FHIT: variants seen among roughly 807,000 people sequenced by gnomAD.
FHIT encodes fragile histidine triad diadenosine triphosphatase.
A neutral mutation model predicts 17.9 loss-of-function variants in FHIT; 19 were observed. That is an observed-to-expected ratio of 1.06 (90% confidence interval 0.74 to 1.56). The LOEUF (loss-of-function observed/expected upper bound fraction) is 1.56. FHIT is among the 40% of genes most tolerant of loss of function. The probability of loss-of-function intolerance (pLI) is 0.00; values close to 1 mark genes in which losing one functional copy is unlikely to be tolerated. For missense variants in FHIT, 248 were observed against 189.2 expected (o/e 1.31, Z -1.82); for synonymous variants, 81 against 69.7 (o/e 1.16, Z -0.81).
At chr3:60,225,696 A>T (rs1704165705) in intron 5 of FHIT, among the ~76,000 whole-genome samples, 1 of 152,210 alleles carries the variant, frequency 6.6e-6, no homozygotes, top group Admixed American at 6.5e-5. Context: ...GTAAATAAGC[A>T]TTTAATGCAA....
chr3:59,920,506 A>T (rs1705349571), intron 8 of FHIT, among the ~76,000 whole-genome samples: 1 of 152,196 alleles, frequency 6.6e-6, no homozygotes, highest in African/African-American at 2.4e-5. Context: ...CACCAACCAC[A>T]GCACTGTACA....
intron 8 of FHIT, among the ~76,000 whole-genome samples, chr3:59,867,410 T>G (rs775537243): frequency 3.9e-5 from 6 of 151,986 alleles, no homozygotes; most frequent in Non-Finnish European, 7.4e-5. Context: ...AACACATAAT[T>G]AAGTCATAAA....
intron 5 of FHIT, among the ~76,000 whole-genome samples, chr3:60,305,056 G>C (rs1222536321): frequency 6.6e-6 from 1 of 152,204 alleles, no homozygotes; most frequent in Admixed American, 6.5e-5. Flanking sequence ...CCTACCACTC[G>C]TGTCTGTAAG....
chr3:60,034,488 T>C (rs908125711), intron 5 of FHIT, among the ~76,000 whole-genome samples: 2 of 152,202 alleles, frequency 1.3e-5, no homozygotes, highest in Non-Finnish European at 2.9e-5. Context: ...AAATTTCCCA[T>C]CAATTAGAGG....
intron 5 of FHIT, among the ~76,000 whole-genome samples, chr3:60,137,774 G>A (rs144669958): frequency 2.6e-5 from 4 of 152,326 alleles, no homozygotes; most frequent in African/African-American, 7.2e-5. Flanking sequence ...CCTGTAAAAT[G>A]AGGGTAAGAA....
In FHIT at chr3:60,568,049, C is replaced by T. The variant is rs550570690; in HGVS notation, c.-17-31070G>A. 1.6e-4 allele frequency among the ~76,000 whole-genome samples: 24 copies of T among 152,268 alleles called. No individual in the cohort carries two copies. The South Asian group carries it at 3.1e-3, about 20-fold the overall frequency. ...TCAACCATTGTGGAAGTCAGTGTGG[C>T]AATTCCTCAGGGATCTTGAACTAGA... On this transcript the variant is annotated intron_variant, in intron 4 of 9. Coordinates refer to ENST00000492590, the MANE Select transcript of FHIT (RefSeq NM_002012.4).
intron 8 of FHIT, among the ~76,000 whole-genome samples, chr3:59,861,284 G>A (rs1036778805): frequency 6.6e-6 from 1 of 152,188 alleles, no homozygotes; most frequent in Non-Finnish European, 1.5e-5. Context: ...TGAGACGTCA[G>A]TTATACTGAT....
chr3:60,154,073 G>T (rs1167568286), intron 5 of FHIT, among the ~76,000 whole-genome samples: 3 of 152,212 alleles, frequency 2.0e-5, no homozygotes, highest in African/African-American at 7.2e-5. Context: ...GGGTGGCCAA[G>T]CAAGGCCTCC....
At chr3:61,176,069 T>A (rs1560042388) in intron 2 of FHIT, among the ~76,000 whole-genome samples, 1 of 152,200 alleles carries the variant, frequency 6.6e-6, no homozygotes, top group African/African-American at 2.4e-5. Context: ...TGGCAATAAG[T>A]AAATAGATAA....
chr3:60,139,729 G>A (rs980058781), intron 5 of FHIT, among the ~76,000 whole-genome samples: 1 of 151,920 alleles, frequency 6.6e-6, no homozygotes, highest in Non-Finnish European at 1.5e-5. Context: ...AATACGTGTT[G>A]TATGGAATTA....
intron 4 of FHIT, among the ~76,000 whole-genome samples, chr3:60,755,308 C>T (rs968528858): frequency 6.6e-6 from 1 of 152,206 alleles, no homozygotes; most frequent in Non-Finnish European, 1.5e-5. Flanking sequence ...AACACGTCCT[C>T]CCTGAAGGGG....
chr3:60,167,630 G>A (rs1027946137), intron 5 of FHIT, among the ~76,000 whole-genome samples: 6 of 152,198 alleles, frequency 3.9e-5, no homozygotes, highest in South Asian at 2.1e-4. Context: ...TGAATGAACT[G>A]CACAGTCTTC....
intron 5 of FHIT, among the ~76,000 whole-genome samples, chr3:60,248,748 G>A (rs529404029): frequency 6.6e-6 from 1 of 152,070 alleles, no homozygotes; most frequent in African/African-American, 2.4e-5. Flanking sequence ...TTTAGCATAA[G>A]GATTATTTTG....
intron 3 of FHIT, among the ~76,000 whole-genome samples, chr3:61,008,887 A>G (rs2031616801): frequency 6.6e-6 from 1 of 152,150 alleles, no homozygotes; most frequent in South Asian, 2.1e-4. Flanking sequence ...TAATGGAACT[A>G]ATTTGGGCTT....
At chr3:61,234,188 T>C (rs11711696) in intron 1 of FHIT, among the ~76,000 whole-genome samples, 11,779 of 152,114 alleles carry the variant, frequency 0.077, 1,120 homozygotes, top group East Asian at 0.4. Context: ...TTAGTGAGGA[T>C]TCGAGATCCA....
intron 4 of FHIT, among the ~76,000 whole-genome samples, chr3:60,558,270 G>A (rs1202340034): frequency 1.3e-5 from 2 of 151,996 alleles, no homozygotes; most frequent in African/African-American, 4.8e-5. Flanking sequence ...CCTGACCCAT[G>A]TCCCTGACTG....
intron 3 of FHIT, among the ~76,000 whole-genome samples, chr3:60,864,602 G>A (rs1704078420): frequency 6.6e-6 from 1 of 152,086 alleles, no homozygotes; most frequent in Admixed American, 6.6e-5. Context: ...GTATTGGCAA[G>A]GAGGGGTGGC....
intron 3 of FHIT, among the ~76,000 whole-genome samples, chr3:60,896,292 G>C (rs991079403): frequency 6.6e-6 from 1 of 152,144 alleles, no homozygotes; most frequent in Non-Finnish European, 1.5e-5. Flanking sequence ...TAGAAAGCAA[G>C]AGCTGGGCAC....
At chr3:60,821,485 T>A (rs1701928281) in intron 4 of FHIT, among the ~76,000 whole-genome samples, 1 of 112,794 alleles carries the variant, frequency 8.9e-6, no homozygotes, top group Non-Finnish European at 2.0e-5. Context: ...TAACTTTATT[T>A]CCATTCCACT....
Sources: allele counts gnomAD v4.1 joint callset (sites outside exome capture counted in the v4.1 genomes callset), GRCh38; gene constraint gnomAD v4.1.1; transcripts MANE v1.5; gene names NCBI Gene and HGNC (gene_info 2026-07-23, HGNC 2026-07-21).